Variants in STK33 observed in about 807,000 individuals in gnomAD.
STK33 encodes the protein serine/threonine kinase 33.
STK33 carries 52 observed loss-of-function variants against 58.0 expected under a neutral mutation model. The observed-to-expected ratio is 0.90, with a 90% confidence interval of 0.72 to 1.13. The LOEUF (loss-of-function observed/expected upper bound fraction) is 1.13, where lower values mean the gene tolerates loss of function less well. Among genes scored for constraint, STK33 ranks in the 50% most tolerant of loss-of-function variants. The pLI, the probability that STK33 is intolerant of heterozygous loss-of-function variation, is 0.00. For synonymous variants in STK33, 215 were observed against 200.1 expected (o/e 1.07, Z -0.63); for missense variants, 630 against 604.2 (o/e 1.04, Z -0.45).
intron 1 of STK33, among the ~76,000 whole-genome samples, chr11:8,568,881 C>A (rs1957618710): frequency 6.6e-6 from 1 of 152,106 alleles, no homozygotes; most frequent in African/African-American, 2.4e-5. Flanking sequence ...GGAACAGTAA[C>A]AATTCAGTTC....
At chr11:8,363,872 A>G in the STK33 span, among the ~76,000 whole-genome samples, 9,587 of 152,292 alleles carry the variant, frequency 0.063, 522 homozygotes, top group African/African-American at 0.14. Context: ...GACATCAGAG[A>G]CATTAAGAAT....
chr11:8,533,753 G>C (rs1459547438), intron 1 of STK33, among the ~76,000 whole-genome samples: 1 of 152,010 alleles, frequency 6.6e-6, no homozygotes, highest in Non-Finnish European at 1.5e-5. Context: ...GTAAAATAAA[G>C]TTTTATTTGT....
intron 11 of STK33, among the ~76,000 whole-genome samples, chr11:8,441,049 T>C (rs370926631): frequency 6.6e-6 from 1 of 152,236 alleles, no homozygotes; most frequent in African/African-American, 2.4e-5. Flanking sequence ...TCTGTAGTTA[T>C]AGTAGAAGAC....
At chr11:8,485,915 A>G (rs1950164353) in intron 1 of STK33, among the ~76,000 whole-genome samples, 1 of 152,200 alleles carries the variant, frequency 6.6e-6, no homozygotes, top group Non-Finnish European at 1.5e-5. Flanking sequence ...TAAATAATGC[A>G]AACAATTTTG....
At chr11:8,466,045 C>T (rs1591299223) in intron 6 of STK33, 1 of 152,100 alleles carries the variant, frequency 6.6e-6, no homozygotes, top group African/African-American at 2.4e-5. Context: ...ATGGAAAAGA[C>T]CCACCCTTCT....
chr11:8,592,018 C>G (rs2032690517), intron 1 of STK33, among the ~76,000 whole-genome samples: 2 of 152,044 alleles, frequency 1.3e-5, no homozygotes, highest in Admixed American at 6.6e-5. Context: ...ATTACTCTGC[C>G]TTTCCTTGTC....
At chr11:8,565,247 G>C (rs1299603764) in intron 1 of STK33, among the ~76,000 whole-genome samples, 1 of 152,182 alleles carries the variant, frequency 6.6e-6, no homozygotes, top group African/African-American at 2.4e-5. Flanking sequence ...TTTTCACCAT[G>C]ATTTATAGTC....
At chr11:8,504,820 A>G (rs916848237) in intron 1 of STK33, among the ~76,000 whole-genome samples, 1 of 152,032 alleles carries the variant, frequency 6.6e-6, no homozygotes, top group Non-Finnish European at 1.5e-5. Context: ...AAATAAATAA[A>G]TTATATAAAC....
the STK33 span, among the ~76,000 whole-genome samples, chr11:8,336,427 G>T: frequency 9.2e-4 from 140 of 152,378 alleles, no homozygotes; most frequent in African/African-American, 3.3e-3. Context: ...TTCACGGGGA[G>T]ATGGAAAAGC....
At chr11:8,350,056 C>G in the STK33 span, among the ~76,000 whole-genome samples, 1 of 152,382 alleles carries the variant, frequency 6.6e-6, no homozygotes, top group East Asian at 1.9e-4. Flanking sequence ...CCTCATCTCA[C>G]TTAATCCTAA....
chr11:8,539,202 G>T (rs1955301275), intron 1 of STK33, among the ~76,000 whole-genome samples: 1 of 152,074 alleles, frequency 6.6e-6, no homozygotes, highest in Non-Finnish European at 1.5e-5. Context: ...AGATAACTTT[G>T]TTAAAAAACA....
intron 1 of STK33, among the ~76,000 whole-genome samples, chr11:8,578,314 T>A (rs10160318): frequency 0.6 from 91,559 of 151,822 alleles, 27,922 homozygotes; most frequent in African/African-American, 0.66. Context: ...AAAGTTACTT[T>A]TTACAGCATC....
chr11:8,510,881 TGCCATGCTGCTTTGGTAACTATA>T (rs1383823633), intron 1 of STK33, among the ~76,000 whole-genome samples: 1 of 152,204 alleles, frequency 6.6e-6, no homozygotes, highest in Non-Finnish European at 1.5e-5. Flanking sequence ...TTTATACCAG[TGCCATGCTGCTTTGGTAACTATA>T]GCCTTGCAGT....
At chr11:8,368,605 T>C in the STK33 span, among the ~76,000 whole-genome samples, 2 of 152,252 alleles carry the variant, frequency 1.3e-5, no homozygotes, top group African/African-American at 4.8e-5. Context: ...CGGGTGTTTA[T>C]AGATTTCTGG....
intron 12 of STK33, among the ~76,000 whole-genome samples, chr11:8,437,831 T>C (rs750525636): frequency 2.4e-4 from 36 of 152,360 alleles, no homozygotes; most frequent in Non-Finnish European, 3.8e-4. Context: ...AGGTTCTTAC[T>C]AAGTATTTAT....
chr11:8,391,505 T>C (rs1848626108), downstream of STK33, among the ~76,000 whole-genome samples: 1 of 152,228 alleles, frequency 6.6e-6, no homozygotes, highest in Admixed American at 6.5e-5. Context: ...GCAACTAGTA[T>C]ATGCTCAGCT....
Position 8,474,865 on chromosome 11 carries a change from G to A in STK33, c.41C>T (p.Pro14Leu). Residue 14 changes from proline to leucine, a missense_variant, in exon 5 of 16, where the codon CCC (proline) becomes CTC (leucine). Coordinates refer to ENST00000687296, the MANE Select transcript of STK33 (RefSeq NM_001352389.2). ...SGLDKKSTKC[P>L]DCSSASQKDV... is the part of the protein sequence containing the mutation. ...TTTCTGAGAAGCAGATGAACAGTCG[G>A]GGCATTTTGTGGATTTTTTATCTAA... The A allele has an allele frequency of 1.3e-6, 2 of 1,594,504 alleles. No homozygotes were observed. The highest frequency in any genetic ancestry group is 1.7e-6 in the Non-Finnish European group (2 of 1,171,474).
chr11:8,537,109 A>T lies in STK33; in HGVS notation c.-465-56495T>A, dbSNP rs1287875746. On this transcript the variant is annotated intron_variant, in intron 1 of 15. Transcript: ENST00000687296. The stretch of plus-strand genomic sequence containing the variant: ...GATTCTCCACATCAGCCTCCCGAGT[A>T]GCTGGAATTACAGGCACCCGCCACC... Among the ~76,000 whole-genome samples, 7 of 146,472 alleles carry T rather than the reference A, an allele frequency of 4.8e-5. No individual in the cohort carries two copies. In the East Asian group the frequency reaches 1.4e-3, roughly 30 times the overall value.
chr11:8,342,927 C>T, the STK33 span, among the ~76,000 whole-genome samples: 1 of 152,202 alleles, frequency 6.6e-6, no homozygotes, highest in Non-Finnish European at 1.5e-5. Context: ...GTGCGATGAG[C>T]CAGGGAGGCA....
Sources: allele counts gnomAD v4.1 joint callset (sites outside exome capture counted in the v4.1 genomes callset), GRCh38; gene constraint gnomAD v4.1.1; transcripts MANE v1.5; gene names NCBI Gene and HGNC (gene_info 2026-07-23, HGNC 2026-07-21).